Variants in PAK4 observed in about 807,000 individuals in gnomAD.
PAK4 encodes serine/threonine-protein kinase PAK 4.
A neutral mutation model predicts 53.5 loss-of-function variants in PAK4; 49 were observed. The observed-to-expected ratio is 0.92, with a 90% CI of 0.73 to 1.16. The LOEUF (loss-of-function observed/expected upper bound fraction) is 1.16. Ranked by LOEUF, PAK4 falls within the 50% of genes most tolerant of loss-of-function variation. PAK4 has a pLI of 0.00. For missense variants in PAK4, 824 were observed against 850.7 expected (o/e 0.97, Z 0.39); for synonymous variants, 376 against 375.6 (o/e 1.00, Z -0.01).
Position 39,173,682 on chromosome 19 carries a change from C to G in PAK4, c.770C>G (p.Pro257Arg), listed in dbSNP as rs767754882. The change falls in exon 4 of 9, where the codon CCC becomes CGC. Residue 257 changes from proline to arginine, a missense_variant. Pro to Arg is a moderately radical substitution (Grantham distance 103, BLOSUM62 -2). Transcript: ENST00000358301. This position sits in a 1 kb window ranked among gnomAD's most constrained non-coding sequence, Gnocchi z 6.9. ...CCTCCCACCCGAGCCCGAGGTGCCC[C>G]CAGCCCTGGAGTGCTGGGACCCCAC... The G allele has an allele frequency of 2.5e-6, 4 of 1,588,970 alleles. No homozygotes were observed. Among genetic ancestry groups the G allele is most frequent in the Non-Finnish European group, 3.4e-6 (4 of 1,167,374 alleles).
At chr19:39,165,589 C>A (rs2074362693) in intron 1 of PAK4, among the ~76,000 whole-genome samples, 1 of 151,958 alleles carries the variant, frequency 6.6e-6, no homozygotes, top group Admixed American at 6.6e-5. Flanking sequence ...GTCACCTCAG[C>A]CCTCCAGGGC....
intron 1 of PAK4, among the ~76,000 whole-genome samples, chr19:39,140,372 G>A (rs562725068): frequency 2.6e-5 from 4 of 152,130 alleles, no homozygotes; most frequent in Non-Finnish European, 5.9e-5. Flanking sequence ...GGGGCTGGGG[G>A]CAACACACCA....
In PAK4 at chr19:39,172,854, G is replaced by A. The variant is rs1201849311; in HGVS notation, c.205-64G>A. 4.3e-5 allele frequency: 58 copies of A among 1,344,290 alleles called. No homozygotes were observed. The Admixed American group carries it at 9.9e-4, about 23-fold the overall frequency. The allele number at this position is 1,344,290 out of a possible 1,614,324, so 83.3% of individuals were successfully genotyped here. A position where few individuals can be genotyped will look rare whatever the true frequency, so the allele number is the denominator to read the frequency against. On this transcript the variant is annotated intron_variant, in intron 2 of 8. Coordinates refer to ENST00000358301, the Ensembl canonical transcript of PAK4. ...TCGTGCTGTCCTGTCCCTGCGTGTCGGATGCACGTCCTGTGTGCCCCACTC... is the reference window on the plus strand; with the variant it reads ...TCGTGCTGTCCTGTCCCTGCGTGTCAGATGCACGTCCTGTGTGCCCCACTC...
chr19:39,143,592 C>CAA lies in PAK4; in HGVS notation c.-23+17703_-23+17704dup, dbSNP rs544304301. ...TGGGTGACAGAGCAAGACTCTGTCT[C>CAA]AAAAAAAAAAAAAAAAAAAAAAAAA... On this transcript the variant is annotated intron_variant, in intron 1 of 8. Coordinates refer to ENST00000358301, the Ensembl canonical transcript of PAK4. Among the ~76,000 whole-genome samples the CAA allele has an allele frequency of 1.3e-3, 26 of 20,444 alleles. 1 individual carries two copies. Among genetic ancestry groups the CAA allele is most frequent in the African/African-American group, 2.7e-3 (17 of 6,302 alleles). The allele number at this position is 20,444 out of a possible 152,430, so 13.4% of individuals were successfully genotyped here.
chr19:39,173,024 G>A lies in PAK4; in HGVS notation c.311G>A (p.Ser104Asn). ...CGCTCCAACTCCCTGCGGAGAGACA[G>A]CCCGCCGCCGCCCGCCCGTGCCCGC... The change falls in exon 3 of 9, where the codon AGC becomes AAC. Residue 104 changes from serine to asparagine, a missense_variant. This residue lies in a region of PAK4 where 478 missense variants were observed against 435.8 expected (regional missense o/e 1.10). Coordinates refer to ENST00000358301, the Ensembl canonical transcript of PAK4. This position sits in a 1 kb window ranked among gnomAD's most constrained non-coding sequence, Gnocchi z 6.9. 6.5e-7 allele frequency: 1 copy of A among 1,549,134 alleles called. No individual in the cohort carries two copies. The highest frequency in any genetic ancestry group is 1.2e-5 in the South Asian group (1 of 83,990).
chr19:39,129,154 C>T (rs2073650654), intron 1 of PAK4, among the ~76,000 whole-genome samples: 1 of 152,130 alleles, frequency 6.6e-6, no homozygotes, highest in Non-Finnish European at 1.5e-5. Flanking sequence ...AGCTATCCTC[C>T]CACCTCAGCC....
At position 39,158,526 on chromosome 19, in the gene PAK4, T is replaced by A. The variant is rs567330974; in HGVS notation, c.-22-11006T>A. Among the ~76,000 whole-genome samples the A allele has an allele frequency of 7.6e-4, 116 of 152,152 alleles. 1 individual carries two copies. The highest frequency in any genetic ancestry group is 3.6e-3 in the Admixed American group (55 of 15,288). On this transcript the variant is annotated intron_variant, in intron 1 of 8. Coordinates refer to ENST00000358301, the Ensembl canonical transcript of PAK4. ...CCAGGCCGTATGGGCTCCCACACACTCTCTGTTGTGGTGTCCATCCCCACC... is the reference window on the plus strand; with the variant it reads ...CCAGGCCGTATGGGCTCCCACACACACTCTGTTGTGGTGTCCATCCCCACC...
At chr19:39,169,999 C>T (rs771988651) in intron 2 of PAK4, among the ~76,000 whole-genome samples, 37 of 152,160 alleles carry the variant, frequency 2.4e-4, no homozygotes, top group Non-Finnish European at 4.1e-4. Context: ...ATCTGACAGC[C>T]CCCACACCAG....
intron 1 of PAK4, among the ~76,000 whole-genome samples, chr19:39,128,267 TTGCTGC>T (rs373495171): frequency 3.3e-5 from 5 of 152,146 alleles, no homozygotes; most frequent in Non-Finnish European, 7.4e-5. Context: ...AGCATTAGTC[TTGCTGC>T]TGCTGCTGCT....
chr19:39,156,218 C>A (rs1350645784), intron 1 of PAK4, among the ~76,000 whole-genome samples: 1 of 152,122 alleles, frequency 6.6e-6, no homozygotes, highest in Admixed American at 6.5e-5. Flanking sequence ...CAGCCTTGGT[C>A]GGGGTGGAGG....
intron 7 of PAK4, among the ~76,000 whole-genome samples, 153 bp downstream of exon 8, chr19:39,176,868 ATTC>A (rs527482206): frequency 2.7e-5 from 4 of 150,158 alleles, no homozygotes; most frequent in South Asian, 2.1e-4. Flanking sequence ...GCATGTATTC[ATTC>A]TTCTTTTTTT....
At position 39,135,442 on chromosome 19, in the gene PAK4, TCTC is replaced by T. The variant is rs570388268; in HGVS notation, c.-23+9528_-23+9530del. Among the ~76,000 whole-genome samples the T allele has an allele frequency of 1.9e-4, 28 of 146,830 alleles. No individual in the cohort carries two copies. In the East Asian group the frequency reaches 5.6e-3, roughly 29 times the overall value. Reference sequence around the variant, plus strand: ...CCTCCGCTTCCCAGATCCAAGCCATTCTCCTCCCTCACCCCCTCAAGTAGCTGG... The same window carrying T: ...CCTCCGCTTCCCAGATCCAAGCCATTCTCCCTCACCCCCTCAAGTAGCTGG... On this transcript the variant is annotated intron_variant, in intron 1 of 8. Transcript: ENST00000358301.
chr19:39,174,805 C>A, intron 4 of PAK4, 126 bp from the exon 6 acceptor site: 1 of 1,083,830 alleles, frequency 9.2e-7, no homozygotes, highest in Non-Finnish European at 1.3e-6. Flanking sequence ...GGAGGGCAGT[C>A]CAGGTGGCCC....
intron 1 of PAK4, among the ~76,000 whole-genome samples, chr19:39,127,392 G>A (rs1875971386): frequency 6.6e-6 from 1 of 151,968 alleles, no homozygotes; most frequent in Admixed American, 6.6e-5. Flanking sequence ...TCACTGACGG[G>A]TCGCTCACTC....
At position 39,175,448 on chromosome 19, in the gene PAK4, C is replaced by T. The variant is rs767660601; in HGVS notation, c.1359+10C>T. 82 of 1,596,240 alleles carry T rather than the reference C, an allele frequency of 5.1e-5. No homozygotes were observed. In the South Asian group the frequency reaches 6.2e-4, roughly 12 times the overall value. ...GACCCATGATGGCAGGGTGAGGGGA[C>T]GGGCGGCGGGGTACGGGGGCGGCAG... On this transcript the variant is annotated intron_variant, in intron 6 of 8. Transcript: ENST00000358301. The surrounding 1 kb of genome is among the most constrained non-coding windows in gnomAD (Gnocchi z 4.7).
chr19:39,134,021 C>T (rs1256097550), intron 1 of PAK4, among the ~76,000 whole-genome samples: 1 of 152,174 alleles, frequency 6.6e-6, no homozygotes, highest in African/African-American at 2.4e-5. Context: ...CCTGCCCTCC[C>T]CACAGGAGGC....
chr19:39,159,516 G>A (rs1033599783), intron 1 of PAK4, among the ~76,000 whole-genome samples: 1 of 152,140 alleles, frequency 6.6e-6, no homozygotes, highest in African/African-American at 2.4e-5. Flanking sequence ...CTCCCAAGTA[G>A]CTGGGACTAG....
intron 1 of PAK4, among the ~76,000 whole-genome samples, chr19:39,149,097 G>A (rs1256935602): frequency 2.0e-5 from 3 of 152,292 alleles, no homozygotes; most frequent in South Asian, 2.1e-4. Flanking sequence ...TGGTGCTGTC[G>A]CTGTTCGGCA....
At position 39,178,860 on chromosome 19, in the gene PAK4, C is replaced by T. The variant is rs79890280; in HGVS notation, c.*281C>T. 2.7e-3 allele frequency: 1,085 copies of T among 400,202 alleles called. 8 individuals are homozygous for T. The highest frequency in any genetic ancestry group is 0.021 in the African/African-American group (1,013 of 47,624). 24.8% of individuals were successfully genotyped at this position (400,202 alleles called of 1,614,324 possible). A position where few individuals can be genotyped will look rare whatever the true frequency, so the allele number is the denominator to read the frequency against. On this transcript the variant is annotated 3_prime_UTR_variant, in exon 9 of 9. Transcript: ENST00000358301. The surrounding 1 kb of genome is among the most constrained non-coding windows in gnomAD (Gnocchi z 4.4). ...GTTCTTCTGTCTCCAGGAAGGGCAG[C>T]GGCCCTCCCATCACTGGAAGTCTGC...
Sources: allele counts gnomAD v4.1 joint callset (sites outside exome capture counted in the v4.1 genomes callset), GRCh38; gene constraint gnomAD v4.1.1; regional missense constraint gnomAD v4.1.1; non-coding constraint Gnocchi (gnomAD v3.1); transcripts MANE v1.5; gene names NCBI Gene and HGNC (gene_info 2026-07-23, HGNC 2026-07-21).